Variants in NAA11 observed in about 807,000 individuals in gnomAD.
NAA11 encodes the protein N-alpha-acetyltransferase 11, NatA catalytic subunit.
NAA11 carries 15 observed loss-of-function variants against 16.1 expected under a neutral mutation model. That is an observed-to-expected ratio of 0.93 (90% CI 0.62 to 1.44). NAA11 has a LOEUF of 1.44. Ranked by LOEUF, NAA11 falls within the 40% of genes most tolerant of loss-of-function variation. NAA11 has a pLI of 0.00. For synonymous variants in NAA11, 122 were observed against 112.4 expected, an observed-to-expected ratio of 1.09 and a Z score of -0.54; for missense variants, 298 against 291.3, an observed-to-expected ratio of 1.02 and a Z score of -0.17.
chr4:79,206,322 ACCT>A, the NAA11 span, among the ~76,000 whole-genome samples: 1 of 152,006 alleles, frequency 6.6e-6, no homozygotes, highest in Non-Finnish European at 1.5e-5. Context: ...AAGATATGCC[ACCT>A]CCTTAGTAAA....
chr4:79,201,530 C>T, the NAA11 span, among the ~76,000 whole-genome samples: 1 of 151,638 alleles, frequency 6.6e-6, no homozygotes, highest in Non-Finnish European at 1.5e-5. Context: ...AATTTTTTCA[C>T]ACTGATTTTT....
the NAA11 span, among the ~76,000 whole-genome samples, chr4:79,200,151 C>T: frequency 6.6e-6 from 1 of 151,806 alleles, no homozygotes; most frequent in African/African-American, 2.4e-5. Flanking sequence ...CAGACATTTA[C>T]TAGTTGTGTG....
chr4:79,221,076 A>G (rs1463229714), downstream of NAA11, among the ~76,000 whole-genome samples: 1 of 151,784 alleles, frequency 6.6e-6, no homozygotes. Flanking sequence ...GTTCTCCTTG[A>G]AGAGGTCCTT....
chr4:79,219,936 T>C, the NAA11 span, among the ~76,000 whole-genome samples: 2 of 152,200 alleles, frequency 1.3e-5, no homozygotes, highest in African/African-American at 4.8e-5. Context: ...CCAACCAATA[T>C]TTCATTAGTT....
intron 2 of NAA11, among the ~76,000 whole-genome samples, chr4:79,231,442 A>G (rs1425344398): frequency 6.6e-6 from 1 of 151,958 alleles, no homozygotes; most frequent in Non-Finnish European, 1.5e-5. Flanking sequence ...CTCACTTCAG[A>G]ATCCTCACAA....
chr4:79,163,217 G>C, the NAA11 span, among the ~76,000 whole-genome samples: 2 of 152,170 alleles, frequency 1.3e-5, no homozygotes, highest in African/African-American at 4.8e-5. Context: ...AAGAAGACTT[G>C]GGTCCTAGCT....
At chr4:79,216,508 C>G in the NAA11 span, among the ~76,000 whole-genome samples, 1 of 151,992 alleles carries the variant, frequency 6.6e-6, no homozygotes, top group East Asian at 1.9e-4. Flanking sequence ...TTAATAAATT[C>G]ATCAAATGAC....
intron 2 of NAA11, among the ~76,000 whole-genome samples, chr4:79,254,425 C>T (rs1205207180): frequency 6.6e-6 from 1 of 152,054 alleles, no homozygotes; most frequent in Non-Finnish European, 1.5e-5. Context: ...ATAAAATGGT[C>T]TAAAGACCAA....
At chr4:79,188,584 C>CA in the NAA11 span, among the ~76,000 whole-genome samples, 61 of 114,654 alleles carry the variant, frequency 5.3e-4, no homozygotes, top group African/African-American at 1.7e-3. Flanking sequence ...GACTCCGCCT[C>CA]AAAAAAAAAG....
At chr4:79,185,890 A>C in the NAA11 span, among the ~76,000 whole-genome samples, 1 of 152,022 alleles carries the variant, frequency 6.6e-6, no homozygotes, top group Non-Finnish European at 1.5e-5. Flanking sequence ...AAAAAACTTC[A>C]TTTATGGAAC....
the NAA11 span, among the ~76,000 whole-genome samples, chr4:79,216,726 T>G: frequency 2.0e-5 from 3 of 152,190 alleles, no homozygotes; most frequent in Non-Finnish European, 2.9e-5. Flanking sequence ...GTCACTAGTT[T>G]GTTGACCACC....
chr4:79,292,667 A>T (rs1357914211), intron 2 of NAA11, among the ~76,000 whole-genome samples: 1 of 152,224 alleles, frequency 6.6e-6, no homozygotes, highest in African/African-American at 2.4e-5. Flanking sequence ...GCTTTTCCAG[A>T]TGGGAATTAG....
intron 1 of NAA11, among the ~76,000 whole-genome samples, chr4:79,302,950 A>G (rs1289065912): frequency 6.6e-6 from 1 of 151,528 alleles, no homozygotes; most frequent in Non-Finnish European, 1.5e-5. Flanking sequence ...GAGACTTTGA[A>G]TTTTAGGGTT....
the NAA11 span, among the ~76,000 whole-genome samples, chr4:79,214,310 C>T: frequency 1.3e-5 from 2 of 152,126 alleles, no homozygotes; most frequent in Non-Finnish European, 2.9e-5. Context: ...TTGGATCTTT[C>T]ACAAGTACTT....
the NAA11 span, among the ~76,000 whole-genome samples, chr4:79,169,707 A>G: frequency 6.6e-6 from 1 of 152,144 alleles, no homozygotes; most frequent in African/African-American, 2.4e-5. Flanking sequence ...TGACTAAAAC[A>G]CCAATAGCAA....
At chr4:79,287,153 T>C (rs1722960177) in intron 2 of NAA11, among the ~76,000 whole-genome samples, 1 of 152,150 alleles carries the variant, frequency 6.6e-6, no homozygotes, top group Non-Finnish European at 1.5e-5. Context: ...TCAAACTCAC[T>C]GTAGTTTGAG....
At chr4:79,272,903 G>C (rs186079824) in intron 2 of NAA11, among the ~76,000 whole-genome samples, 27 of 152,042 alleles carry the variant, frequency 1.8e-4, no homozygotes, top group Admixed American at 5.9e-4. Context: ...TGGAACAGTT[G>C]ATGGGGGCTG....
At chr4:79,223,104 A>G (rs879914267), downstream of NAA11, among the ~76,000 whole-genome samples, 286 of 150,568 alleles carry the variant, frequency 1.9e-3, no homozygotes, top group Non-Finnish European at 3.6e-3. Flanking sequence ...TCAGGGATCT[A>G]GAACTGGAAA....
At chr4:79,225,311 C>T (rs1440918098), downstream of NAA11, among the ~76,000 whole-genome samples, 1 of 151,804 alleles carries the variant, frequency 6.6e-6, no homozygotes, top group Non-Finnish European at 1.5e-5. Context: ...TGCAGGACCT[C>T]ATAAACTGTT....
Sources: gnomAD v4.1 joint callset for allele counts (sites outside exome capture counted in the v4.1 genomes callset) on GRCh38, gnomAD v4.1.1 for gene constraint, MANE v1.5 for transcripts, NCBI Gene and HGNC (gene_info 2026-07-23, HGNC 2026-07-21) for gene names.